The following ADSS2 variants were observed in gnomAD, a reference collection of about 807,000 sequenced individuals.
ADSS2 encodes adenylosuccinate synthase 2.
In ADSS2, 30 loss-of-function variants were observed where a neutral mutation model predicts 60.0. The observed-to-expected ratio is 0.50, with a 90% CI of 0.37 to 0.68. The LOEUF is 0.68. Among genes scored for constraint, ADSS2 ranks in the 30% least tolerant of loss-of-function variants. The pLI is 0.00. For missense variants in ADSS2, 373 were observed against 554.8 expected (o/e 0.67, Z 3.29); for synonymous variants, 187 against 193.1 (o/e 0.97, Z 0.26).
rs1335879577 is a variant in ADSS2 at position 244,409,498 on chromosome 1, T to C, written c.*88A>G. The C allele has an allele frequency of 3.8e-6, 4 of 1,058,600 alleles. No homozygotes were observed. The allele number at this position is 1,058,600 out of a possible 1,614,324, so 65.6% of individuals were successfully genotyped here. ...CTTCAAACTTACTTCAGTGTCTTTA[T>C]TCTTGAATTTGCAGGTCATAAATGA... On this transcript the variant is annotated 3_prime_UTR_variant, in exon 13 of 13. Transcript: ENST00000366535.
chr1:244,409,758 T>G, intron 12 of ADSS2, 120 bp from the exon 13 acceptor site: 2 of 734,390 alleles, frequency 2.7e-6, no homozygotes, highest in Admixed American at 4.9e-5. Flanking sequence ...CCTATGTGCC[T>G]TTTTGCTGTT....
chr1:244,410,498 A>T (rs947186849), intron 12 of ADSS2, among the ~76,000 whole-genome samples: 2 of 79,914 alleles, frequency 2.5e-5, no homozygotes, highest in Non-Finnish European at 4.9e-5. Context: ...AATTATTTTT[A>T]AAAATTTTTT....
chr1:244,446,594 C>A (rs1245736043), intron 1 of ADSS2, among the ~76,000 whole-genome samples: 1 of 152,146 alleles, frequency 6.6e-6, no homozygotes, highest in South Asian at 2.1e-4. Flanking sequence ...ATATTTTAGA[C>A]CTAACATTAC....
In ADSS2 at chr1:244,451,507, G is replaced by A. The variant is rs1426495414; in HGVS notation, c.183+128C>T. The A allele has an allele frequency of 4.8e-6, 5 of 1,043,076 alleles. No homozygotes were observed. Among genetic ancestry groups the A allele is most frequent in the Non-Finnish European group, 5.4e-6 (4 of 738,146 alleles). The allele number at this position is 1,043,076 out of a possible 1,614,324, so 64.6% of individuals were successfully genotyped here. On this transcript the variant is annotated intron_variant, in intron 1 of 12. Transcript: ENST00000366535. The surrounding 1 kb of genome is among the most constrained non-coding windows in gnomAD (Gnocchi z 6.6). ...GTAGCCGCAGCTCAGGACAGGAGGAGAGAGCCTCAAGGTGACACCTCATTT... is the reference window on the plus strand; with the variant it reads ...GTAGCCGCAGCTCAGGACAGGAGGAAAGAGCCTCAAGGTGACACCTCATTT...
intron 11 of ADSS2, among the ~76,000 whole-genome samples, chr1:244,415,355 C>T (rs1426261278): frequency 6.6e-6 from 1 of 152,200 alleles, no homozygotes; most frequent in East Asian, 1.9e-4. Flanking sequence ...TCCCTCTATA[C>T]TTACATACAT....
intron 1 of ADSS2, among the ~76,000 whole-genome samples, chr1:244,444,666 C>T (rs1025683211): frequency 6.6e-6 from 1 of 151,780 alleles, no homozygotes; most frequent in Non-Finnish European, 1.5e-5. Flanking sequence ...TCTATGTTCT[C>T]AAAGCTGAAA....
intron 3 of ADSS2, among the ~76,000 whole-genome samples, chr1:244,435,531 T>C (rs999071544): frequency 4.6e-5 from 7 of 152,062 alleles, no homozygotes; most frequent in Admixed American, 2.0e-4. Context: ...CCTCCTTCTC[T>C]TCCTCCTTCA....
chr1:244,424,459 T>C, intron 4 of ADSS2, 72 bp from the exon 5 acceptor site: 1 of 1,220,640 alleles, frequency 8.2e-7, no homozygotes, highest in South Asian at 1.2e-5. Context: ...GCATTTCAAA[T>C]TACTGAAGTT....
intron 6 of ADSS2, 79 bp downstream of exon 6, chr1:244,423,874 G>T: frequency 9.1e-7 from 1 of 1,098,416 alleles, no homozygotes; most frequent in Non-Finnish European, 1.3e-6. Context: ...AATACCGACT[G>T]TATCATTTTG....
At chr1:244,444,253 C>T (rs1469364600) in intron 1 of ADSS2, among the ~76,000 whole-genome samples, 1 of 151,976 alleles carries the variant, frequency 6.6e-6, no homozygotes, top group Non-Finnish European at 1.5e-5. Flanking sequence ...CGGTGGCTCA[C>T]GCCTGTAATC....
intron 4 of ADSS2, among the ~76,000 whole-genome samples, chr1:244,425,629 A>G (rs1281644640): frequency 1.3e-5 from 2 of 152,142 alleles, no homozygotes; most frequent in African/African-American, 2.4e-5. Flanking sequence ...TCCTTTTGAG[A>G]CACTACTAAA....
intron 1 of ADSS2, among the ~76,000 whole-genome samples, chr1:244,446,330 T>C (rs1307929425): frequency 6.6e-6 from 1 of 152,170 alleles, no homozygotes; most frequent in Non-Finnish European, 1.5e-5. Context: ...GCAATTAGCT[T>C]ATGATTCCAA....
intron 12 of ADSS2, 45 bp downstream of exon 12, chr1:244,411,242 A>G: frequency 6.6e-7 from 1 of 1,526,032 alleles, no homozygotes; most frequent in Non-Finnish European, 8.9e-7. Context: ...GAAAAAAGAG[A>G]GAGAGAGAAA....
intron 3 of ADSS2, among the ~76,000 whole-genome samples, chr1:244,435,208 C>T: frequency 9.2e-6 from 1 of 108,796 alleles, no homozygotes; most frequent in Non-Finnish European, 1.8e-5. Context: ...CAAACCTGAA[C>T]ATACTATAAC....
chr1:244,437,160 C>A (rs547168201), intron 2 of ADSS2, among the ~76,000 whole-genome samples: 9 of 152,262 alleles, frequency 5.9e-5, no homozygotes, highest in Non-Finnish European at 8.8e-5. Flanking sequence ...GGAACATGGT[C>A]ACAGTACATG....
At chr1:244,428,542 G>A (rs1487147669) in intron 4 of ADSS2, among the ~76,000 whole-genome samples, 1 of 151,810 alleles carries the variant, frequency 6.6e-6, no homozygotes, top group African/African-American at 2.4e-5. Flanking sequence ...GAGGGAGGGA[G>A]GGAGGTCAGT....
At chr1:244,415,124 T>C (rs902221853) in intron 11 of ADSS2, among the ~76,000 whole-genome samples, 1 of 152,240 alleles carries the variant, frequency 6.6e-6, no homozygotes, top group African/African-American at 2.4e-5. Flanking sequence ...TTAAAAGAAT[T>C]TGCTGTAATG....
intron 1 of ADSS2, among the ~76,000 whole-genome samples, chr1:244,450,693 A>T (rs1260645422): frequency 6.6e-6 from 1 of 152,160 alleles, no homozygotes; most frequent in African/African-American, 2.4e-5. Context: ...GAAACTGGAG[A>T]GAGTTATCTG....
chr1:244,433,323 A>C (rs1664995660), intron 3 of ADSS2, among the ~76,000 whole-genome samples: 3 of 152,342 alleles, frequency 2.0e-5, no homozygotes, highest in Admixed American at 2.0e-4. Flanking sequence ...CATCATGTCT[A>C]ACAAGAGTTT....
Sources: gnomAD v4.1 joint callset for allele counts (sites outside exome capture counted in the v4.1 genomes callset) on GRCh38, gnomAD v4.1.1 for gene constraint, Gnocchi (gnomAD v3.1) non-coding constraint, MANE v1.5 for transcripts, NCBI Gene and HGNC (gene_info 2026-07-23, HGNC 2026-07-21) for gene names.